The following MTHFD1L variants were observed in gnomAD, a reference collection of about 807,000 sequenced individuals.
MTHFD1L encodes the protein monofunctional C1-tetrahydrofolate synthase, mitochondrial.
MTHFD1L carries 81 observed loss-of-function variants against 119.5 expected under a neutral mutation model. The ratio of observed to expected loss-of-function variants is 0.68; its 90% CI spans 0.57 to 0.82. The LOEUF is 0.82. Among genes scored for constraint, MTHFD1L ranks in the 40% least tolerant of loss-of-function variants. MTHFD1L has a pLI of 0.00. For missense variants in MTHFD1L, 1,125 were observed against 1,253.4 expected, an observed-to-expected ratio of 0.90 and a Z score of 1.55; for synonymous variants, 430 against 475.2, an observed-to-expected ratio of 0.90 and a Z score of 1.24.
At chr6:150,887,741 G>A in intron 6 of MTHFD1L, 104 bp from the exon 7 acceptor site, 2 of 1,250,550 alleles carry the variant, frequency 1.6e-6, no homozygotes, top group Admixed American at 2.8e-5. Flanking sequence ...ATAGGCATGA[G>A]CCACCACACC....
At chr6:150,944,791 C>T (rs9478863) in intron 14 of MTHFD1L, among the ~76,000 whole-genome samples, 198 bp downstream of exon 14, 20,348 of 152,242 alleles carry the variant, frequency 0.13, 1,769 homozygotes, top group Middle Eastern at 0.27. Context: ...GGTTTATGAG[C>T]ACTGCCAAGT....
Position 150,944,563 on chromosome 6 carries a change from G to T in MTHFD1L, c.1518G>T (p.Arg506Ser), listed in dbSNP as rs1340066214. ...TGCTGGCTGCCGCCATCGACACGAG[G>T]ATTCTTCATGAAAACACGCAAACAG... ...NNLLAAAIDT[R>S]ILHENTQTDK... Residue 506 changes from arginine to serine, a missense_variant, in exon 14 of 28, where the codon AGG (arginine) becomes AGT (serine). This residue lies in a region of MTHFD1L where 1,058 missense variants were observed against 1,151.2 expected (regional missense o/e 0.92). Transcript: ENST00000367321. 1 of 1,613,982 alleles carries T rather than the reference G, an allele frequency of 6.2e-7. No homozygotes were observed. The highest frequency in any genetic ancestry group is 8.5e-7 in the Non-Finnish European group (1 of 1,179,974).
chr6:150,985,987 A>G (rs1296574887), intron 20 of MTHFD1L, among the ~76,000 whole-genome samples: 2 of 152,368 alleles, frequency 1.3e-5, no homozygotes, highest in African/African-American at 2.4e-5. Flanking sequence ...GACACCTCAG[A>G]TATACTCTTG....
At chr6:150,887,387 G>A (rs1055285886) in intron 6 of MTHFD1L, among the ~76,000 whole-genome samples, 3 of 152,184 alleles carry the variant, frequency 2.0e-5, no homozygotes, top group Non-Finnish European at 2.9e-5. Flanking sequence ...GAGAATTTTT[G>A]TTGATTACAA....
intron 12 of MTHFD1L, among the ~76,000 whole-genome samples, chr6:150,938,005 G>A (rs376569623): frequency 6.6e-6 from 1 of 152,046 alleles, no homozygotes; most frequent in East Asian, 1.9e-4. Flanking sequence ...TTATGCGGTG[G>A]TTTTTTTGTT....
Position 151,049,491 on chromosome 6 carries a change from CAAA to C in MTHFD1L, c.2847+12393_2847+12395del, listed in dbSNP as rs61344944. Among the ~76,000 whole-genome samples, 69 of 85,950 alleles carry C rather than the reference CAAA, an allele frequency of 8.0e-4. 1 individual carries two copies. The highest frequency in any genetic ancestry group is 2.2e-3 in the African/African-American group (50 of 22,648). 56.4% of individuals were successfully genotyped at this position (85,950 alleles called of 152,430 possible). A position where few individuals can be genotyped will look rare whatever the true frequency, so the allele number is the denominator to read the frequency against. ...TGGGCAAGACAGCGAGACTCCGTCT[CAAA>C]AAAAAAAAAAAAAAAAAATTAGCTG... On this transcript the variant is annotated intron_variant, in intron 26 of 27. Transcript: ENST00000367321.
chr6:151,027,742 G>A (rs1328916869), intron 24 of MTHFD1L, among the ~76,000 whole-genome samples: 1 of 151,834 alleles, frequency 6.6e-6, no homozygotes, highest in Non-Finnish European at 1.5e-5. Context: ...GCAAGGGGAA[G>A]GACCTTATCA....
chr6:150,866,264 GC>G, intron 1 of MTHFD1L: 1 of 1,445,558 alleles, frequency 6.9e-7, no homozygotes, highest in East Asian at 3.0e-5. Context: ...ACCCGACCGG[GC>G]CCGCAGCGCA....
rs766519360 is a variant in MTHFD1L, at chr6:150,922,235, C to T, written c.1015C>T (p.Arg339Cys). Residue 339 changes from arginine (R) to cysteine (C), a missense_variant, in exon 10 of 28, where the codon CGT becomes TGT. By Grantham distance (180) the Arg-to-Cys change is radical (BLOSUM62 -3). Around this residue, in one of 3 missense-constraint regions of MTHFD1L, gnomAD observed 1,058 missense variants for 1,151.2 expected, o/e 0.92. Coordinates refer to ENST00000367321, the MANE Select transcript of MTHFD1L (RefSeq NM_015440.5). ...GGTCAGTAGTGGAAGGAGATGGCTTCGTGAACAGCAGCACAGGCGGTGGAG... is the reference window on the plus strand; with the variant it reads ...GGTCAGTAGTGGAAGGAGATGGCTTTGTGAACAGCAGCACAGGCGGTGGAG... The part of the protein sequence containing the change: ...NMVSSGRRWL[R>C]EQQHRRWRLH... 1.7e-5 allele frequency: 27 copies of T among 1,613,932 alleles called. No homozygotes were observed. Among genetic ancestry groups the T allele is most frequent in the South Asian group, 1.6e-4 (15 of 91,070 alleles).
intron 26 of MTHFD1L, among the ~76,000 whole-genome samples, chr6:151,087,001 G>A (rs1793865002): frequency 6.6e-6 from 1 of 152,198 alleles, no homozygotes; most frequent in East Asian, 1.9e-4. Flanking sequence ...TATAATCCCA[G>A]CACTTTGGGA....
intron 8 of MTHFD1L, among the ~76,000 whole-genome samples, chr6:150,916,292 CTTTTTTTTTT>C (rs71554488): frequency 2.2e-3 from 88 of 40,012 alleles, no homozygotes; most frequent in Non-Finnish European, 3.3e-3. Flanking sequence ...AAGGTAGAAT[CTTTTTTTTTT>C]TTTTTTTTTT....
chr6:150,960,241 T>G (rs1796238619), intron 17 of MTHFD1L, 34 bp from the exon 18 acceptor site: 1 of 1,584,230 alleles, frequency 6.3e-7, no homozygotes, highest in Admixed American at 1.7e-5. Flanking sequence ...ACTGGCACTG[T>G]CGCTGACCAC....
intron 20 of MTHFD1L, among the ~76,000 whole-genome samples, chr6:150,975,624 T>G (rs1407361496): frequency 6.6e-6 from 1 of 152,174 alleles, no homozygotes; most frequent in South Asian, 2.1e-4. Context: ...AGACTTGAGC[T>G]CCTCTCCTCC....
intron 22 of MTHFD1L, 68 bp downstream of exon 22, chr6:151,013,888 G>A: frequency 7.3e-7 from 1 of 1,370,702 alleles, no homozygotes; most frequent in Non-Finnish European, 1.0e-6. Flanking sequence ...GGCTTTCAGT[G>A]AATGAGCCCT....
intron 26 of MTHFD1L, 142 bp from the exon 27 acceptor site, chr6:151,092,325 T>G (rs1182443559): frequency 1.8e-6 from 1 of 557,972 alleles, no homozygotes; most frequent in African/African-American, 1.9e-5. Context: ...AAATATCAGA[T>G]GACAAATTTA....
chr6:151,023,290 GTCC>G (rs1410690673), intron 24 of MTHFD1L, among the ~76,000 whole-genome samples: 1 of 151,912 alleles, frequency 6.6e-6, no homozygotes, highest in Non-Finnish European at 1.5e-5. Flanking sequence ...CAAGTGATCT[GTCC>G]TCCTCAGCCT....
chr6:151,058,268 C>T (rs1007076074), intron 26 of MTHFD1L, among the ~76,000 whole-genome samples: 11 of 152,190 alleles, frequency 7.2e-5, no homozygotes, highest in Non-Finnish European at 2.9e-5. Flanking sequence ...ACAGCAAGAC[C>T]CTCTGGGTGG....
At chr6:151,051,189 A>G (rs1265996157) in intron 26 of MTHFD1L, among the ~76,000 whole-genome samples, 1 of 152,198 alleles carries the variant, frequency 6.6e-6, no homozygotes, top group African/African-American at 2.4e-5. Context: ...CCTATCAGAA[A>G]TTTCAAGAGT....
chr6:150,866,131 G>C (rs1209214245), intron 1 of MTHFD1L, 82 bp downstream of exon 1: 12 of 1,438,658 alleles, frequency 8.3e-6, no homozygotes, highest in Non-Finnish European at 1.1e-5. Context: ...GACCGCCGTG[G>C]GGAGCGGGGC....
Sources: allele counts gnomAD v4.1 joint callset (sites outside exome capture counted in the v4.1 genomes callset), GRCh38; gene constraint gnomAD v4.1.1; regional missense constraint gnomAD v4.1.1; transcripts MANE v1.5; gene names NCBI Gene and HGNC (gene_info 2026-07-23, HGNC 2026-07-21).